The following RPTOR variants were observed in gnomAD, a reference collection of about 807,000 sequenced individuals.
RPTOR encodes the protein regulatory associated protein of MTOR complex 1, also known as regulatory-associated protein of mTOR.
RPTOR carries 21 observed loss-of-function variants against 169.9 expected under a neutral mutation model. That is an observed-to-expected ratio of 0.12 (90% CI 0.09 to 0.18). The LOEUF (loss-of-function observed/expected upper bound fraction) is 0.18, where lower values mean the gene tolerates loss of function less well. RPTOR is among the 10% of genes least tolerant of loss of function. RPTOR has a pLI of 1.00. For missense variants in RPTOR, 1,133 were observed against 1,855.9 expected, an observed-to-expected ratio of 0.61 and a Z score of 7.16; for synonymous variants, 732 against 753.2, an observed-to-expected ratio of 0.97 and a Z score of 0.46.
intron 5 of RPTOR, among the ~76,000 whole-genome samples, chr17:80,734,765 T>G (rs928024806): frequency 1.3e-5 from 2 of 152,174 alleles, no homozygotes; most frequent in Non-Finnish European, 2.9e-5. Context: ...TATCTGTGGC[T>G]TCCACATCCT....
chr17:80,739,261 T>C (rs187752692), intron 5 of RPTOR, among the ~76,000 whole-genome samples: 38 of 142,396 alleles, frequency 2.7e-4, no homozygotes, highest in Admixed American at 2.3e-3. Flanking sequence ...TGGAGCCTCA[T>C]GAGAGGAGAG....
chr17:80,701,428 T>C (rs537242169), intron 3 of RPTOR, among the ~76,000 whole-genome samples: 1 of 152,206 alleles, frequency 6.6e-6, no homozygotes, highest in African/African-American at 2.4e-5. Flanking sequence ...CCCTTAAGGG[T>C]GAGGGTAAAC....
chr17:80,825,156 T>C (rs1443070652), intron 9 of RPTOR, among the ~76,000 whole-genome samples: 71 of 66,132 alleles, frequency 1.1e-3, no homozygotes, highest in South Asian at 5.6e-3. Context: ...GCGAGGCCAG[T>C]ATGGGGCAGC....
chr17:80,635,865 G>A (rs2065502359), intron 2 of RPTOR, among the ~76,000 whole-genome samples: 1 of 152,056 alleles, frequency 6.6e-6, no homozygotes, highest in Admixed American at 6.5e-5. Flanking sequence ...GAGGAGTGGG[G>A]TACTAGTGTT....
intron 20 of RPTOR, among the ~76,000 whole-genome samples, chr17:80,898,498 T>G (rs919640547): frequency 6.6e-6 from 1 of 152,218 alleles, no homozygotes; most frequent in Non-Finnish European, 1.5e-5. Context: ...TTTATTTTGT[T>G]TCCTTTCTAC....
intron 1 of RPTOR, among the ~76,000 whole-genome samples, chr17:80,568,128 C>T (rs1469393399): frequency 6.6e-5 from 10 of 151,906 alleles, no homozygotes; most frequent in African/African-American, 2.4e-4. Context: ...AGGCTGGTCT[C>T]GAACTCCTGG....
At position 80,813,830 on chromosome 17, in the gene RPTOR, A is replaced by G. The variant is rs144160267; in HGVS notation, c.891-8371A>G. ...CTGAATTTAATCTGAGATGATATAA[A>G]TTTTTAAAATCATACAGTTTTGACT... On this transcript the variant is annotated intron_variant, in intron 7 of 33. Transcript: ENST00000306801. Among the ~76,000 whole-genome samples the G allele has an allele frequency of 4.3e-3, 657 of 152,310 alleles. 3 individuals carry two copies. Among genetic ancestry groups the G allele is most frequent in the African/African-American group, 0.014 (583 of 41,572 alleles).
chr17:80,838,085 G>C, intron 10 of RPTOR, 88 bp downstream of exon 10: 2 of 1,131,256 alleles, frequency 1.8e-6, no homozygotes, highest in Non-Finnish European at 1.3e-6. Flanking sequence ...ACTGGGGGTG[G>C]TGCCCAGGAC....
intron 28 of RPTOR, among the ~76,000 whole-genome samples, chr17:80,956,202 C>G (rs1292870141): frequency 1.4e-5 from 2 of 146,918 alleles, no homozygotes; most frequent in African/African-American, 5.1e-5. Flanking sequence ...TTTACTGTGT[C>G]TAAAATTATG....
At chr17:80,622,212 G>C (rs1299356901) in intron 1 of RPTOR, among the ~76,000 whole-genome samples, 1 of 152,178 alleles carries the variant, frequency 6.6e-6, no homozygotes, top group South Asian at 2.1e-4. Context: ...GCCAGGGTTT[G>C]AATCAATCCC....
intron 2 of RPTOR, among the ~76,000 whole-genome samples, chr17:80,642,409 A>G (rs1300451772): frequency 6.6e-6 from 1 of 150,644 alleles, no homozygotes; most frequent in Non-Finnish European, 1.5e-5. Flanking sequence ...GTGGTGAGCC[A>G]CCACACCTGG....
rs1352986775 is a variant in RPTOR, at chr17:80,609,278, G to A, written c.163-16413G>A. ...CAGGTCGGAAGAGGCATTTGGAAAT[G>A]ACACGCTCTGTCCAGGAACTGCAGT... On this transcript the variant is annotated intron_variant, in intron 1 of 33. Transcript: ENST00000306801. This position sits in a 1 kb window ranked among gnomAD's most constrained non-coding sequence, Gnocchi z 4.8. Among the ~76,000 whole-genome samples, 1 of 152,216 alleles carries A rather than the reference G, an allele frequency of 6.6e-6. No homozygotes were observed. Among genetic ancestry groups the A allele is most frequent in the Non-Finnish European group, 1.5e-5 (1 of 68,038 alleles).
intron 3 of RPTOR, among the ~76,000 whole-genome samples, chr17:80,670,209 T>G (rs1159377122): frequency 6.6e-6 from 1 of 152,200 alleles, no homozygotes. Flanking sequence ...GTCACAACTG[T>G]CTCATTTCCG....
At chr17:80,896,146 T>C (rs2068395932) in intron 20 of RPTOR, among the ~76,000 whole-genome samples, 1 of 152,158 alleles carries the variant, frequency 6.6e-6, no homozygotes, top group African/African-American at 2.4e-5. Context: ...TGTGTTCATG[T>C]CTTAAGTATA....
chr17:80,963,773 GCGGCCCT>G (rs2069382260), intron 33 of RPTOR, among the ~76,000 whole-genome samples: 1 of 126,554 alleles, frequency 7.9e-6, no homozygotes, highest in Non-Finnish European at 1.6e-5. Context: ...CGTCCCCTCT[GCGGCCCT>G]CACCCCGTCC....
Position 80,730,734 on chromosome 17 carries a change from T to C in RPTOR, c.654+28T>C. The C allele has an allele frequency of 2.6e-6, 3 of 1,163,832 alleles. No homozygotes were observed. The South Asian group carries it at 3.6e-5, about 14-fold the overall frequency. The allele number at this position is 1,163,832 out of a possible 1,614,324, so 72.1% of individuals were successfully genotyped here. A position where few individuals can be genotyped will look rare whatever the true frequency, so the allele number is the denominator to read the frequency against. ...GAGCGCTCTGGTGCTTGGAGAGCGG[T>C]GCTGGGTTTGGTTTTGTTTTCCCTG... is the stretch of plus-strand genomic sequence containing the variant. On this transcript the variant is annotated intron_variant, in intron 5 of 33. Transcript: ENST00000306801. This position sits in a 1 kb window ranked among gnomAD's most constrained non-coding sequence, Gnocchi z 4.2.
chr17:80,745,651 T>C (rs2066565616), intron 5 of RPTOR, among the ~76,000 whole-genome samples: 1 of 152,326 alleles, frequency 6.6e-6, no homozygotes, highest in Non-Finnish European at 1.5e-5. Context: ...CAGCCTTTCT[T>C]TGAACTTTGC....
intron 10 of RPTOR, among the ~76,000 whole-genome samples, chr17:80,843,429 AT>A (rs67266156): frequency 0.88 from 132,848 of 150,636 alleles, 58,734 homozygotes; most frequent in African/African-American, 0.95. Context: ...TCAAAAAAAA[AT>A]TTTTTTTTTT....
intron 1 of RPTOR, among the ~76,000 whole-genome samples, chr17:80,584,268 A>G (rs1009233978): frequency 2.0e-5 from 3 of 152,152 alleles, no homozygotes; most frequent in Non-Finnish European, 4.4e-5. Context: ...CTCTAGAGAA[A>G]CTAGTCACCT....
Sources: allele counts gnomAD v4.1 joint callset (sites outside exome capture counted in the v4.1 genomes callset), GRCh38; gene constraint gnomAD v4.1.1; non-coding constraint Gnocchi (gnomAD v3.1); transcripts MANE v1.5; gene names NCBI Gene and HGNC (gene_info 2026-07-23, HGNC 2026-07-21).